The following MEI4 variants were observed in gnomAD, a reference collection of about 807,000 sequenced individuals.
MEI4 encodes meiotic double-stranded break formation protein 4, also known as meiosis-specific protein MEI4.
Under a neutral mutation model 31.4 loss-of-function variants are expected in MEI4, and 27 were observed. The ratio of observed to expected loss-of-function variants is 0.86; its 90% confidence interval spans 0.63 to 1.19. The LOEUF (loss-of-function observed/expected upper bound fraction) is 1.19, where lower values mean the gene tolerates loss of function less well. Ranked by LOEUF, MEI4 falls within the 50% of genes most tolerant of loss-of-function variation. The pLI is 0.00. For missense variants in MEI4, 329 were observed against 398.9 expected, an observed-to-expected ratio of 0.82 and a Z score of 1.49; for synonymous variants, 122 against 145.4, an observed-to-expected ratio of 0.84 and a Z score of 1.16.
chr6:77,678,638 C>T (rs1168110789), intron 1 of MEI4, among the ~76,000 whole-genome samples: 1 of 151,650 alleles, frequency 6.6e-6, no homozygotes, highest in Non-Finnish European at 1.5e-5. Flanking sequence ...TACATAAATA[C>T]TTGATAATGA....
intron 1 of MEI4, among the ~76,000 whole-genome samples, chr6:77,674,107 A>G (rs1345834371): frequency 6.6e-6 from 1 of 152,200 alleles, no homozygotes; most frequent in East Asian, 1.9e-4. Context: ...TGCTTTAAAA[A>G]GACAACTTTC....
chr6:77,727,847 G>A (rs76146304), intron 2 of MEI4, among the ~76,000 whole-genome samples: 4,888 of 152,322 alleles, frequency 0.032, 270 homozygotes, highest in African/African-American at 0.11. Flanking sequence ...CCCTGGAGAA[G>A]CAGCTCAGAC....
At chr6:77,675,504 G>C (rs1177905518) in intron 1 of MEI4, among the ~76,000 whole-genome samples, 1 of 150,112 alleles carries the variant, frequency 6.7e-6, no homozygotes, top group Non-Finnish European at 1.5e-5. Context: ...AGGCATTTTA[G>C]ATGGTTAAGA....
At chr6:77,735,067 G>GT (rs1475146471) in intron 2 of MEI4, among the ~76,000 whole-genome samples, 2 of 151,938 alleles carry the variant, frequency 1.3e-5, no homozygotes, top group East Asian at 1.9e-4. Context: ...TGCCCTTAAC[G>GT]TTTTTTCCTT....
At chr6:77,778,830 C>T (rs1463261876) in intron 3 of MEI4, among the ~76,000 whole-genome samples, 1 of 152,014 alleles carries the variant, frequency 6.6e-6, no homozygotes, top group Non-Finnish European at 1.5e-5. Flanking sequence ...AGTTTCTGAT[C>T]ATTAACAACT....
Position 77,814,483 on chromosome 6 carries a change from CT to C in MEI4, c.769-14445del, listed in dbSNP as rs1391244117. Among the ~76,000 whole-genome samples, 6 of 152,172 alleles carry C rather than the reference CT, an allele frequency of 3.9e-5. No homozygotes were observed. In the East Asian group the frequency reaches 1.2e-3, roughly 29 times the overall value. ...CAAGTGGTAGCTGGGTTTATTTTCA[CT>C]TTCTCAAAGTATAATCCTGTCTATG... On this transcript the variant is annotated intron_variant, in intron 3 of 4. Coordinates refer to ENST00000684080, the MANE Select transcript of MEI4 (RefSeq NM_001322247.2).
chr6:77,657,709 A>G (rs889117792), intron 1 of MEI4, among the ~76,000 whole-genome samples: 1 of 151,518 alleles, frequency 6.6e-6, no homozygotes, highest in African/African-American at 2.4e-5. Flanking sequence ...TCCCTACCCT[A>G]TTTTCTTTTA....
intron 4 of MEI4, among the ~76,000 whole-genome samples, chr6:77,833,802 C>T (rs748946616): frequency 6.6e-6 from 1 of 152,248 alleles, no homozygotes; most frequent in Non-Finnish European, 1.5e-5. Flanking sequence ...CACCCGCCAA[C>T]AGGCCCAGGT....
In MEI4 at chr6:77,820,853, A is replaced by C. The variant is rs1769806842; in HGVS notation, c.769-8078A>C. ...TCTTGTTGTTTCTTAGGCCTAAAAA[A>C]CTTTCTTCCATTATTTTTTCCCATG... is the stretch of plus-strand genomic sequence containing the variant. On this transcript the variant is annotated intron_variant, in intron 3 of 4. Transcript: ENST00000684080. The surrounding 1 kb of genome is among the most constrained non-coding windows in gnomAD (Gnocchi z 4.5). Among the ~76,000 whole-genome samples, 1 of 151,752 alleles carries C rather than the reference A, an allele frequency of 6.6e-6. No homozygotes were observed. The highest frequency in any genetic ancestry group is 1.5e-5 in the Non-Finnish European group (1 of 67,948).
At chr6:77,764,410 T>A (rs1768118201) in intron 3 of MEI4, among the ~76,000 whole-genome samples, 1 of 152,198 alleles carries the variant, frequency 6.6e-6, no homozygotes, top group African/African-American at 2.4e-5. Context: ...CTCTTATTTT[T>A]TTTATTTTTA....
chr6:77,811,789 A>AT (rs562589325), intron 3 of MEI4, among the ~76,000 whole-genome samples: 5,488 of 150,194 alleles, frequency 0.037, 343 homozygotes, highest in African/African-American at 0.12. Flanking sequence ...AAAAAAAAAA[A>AT]TTGATACTTT....
At chr6:77,830,063 G>T (rs1053372335) in intron 4 of MEI4, among the ~76,000 whole-genome samples, 20 of 152,024 alleles carry the variant, frequency 1.3e-4, no homozygotes, top group African/African-American at 3.9e-4. Context: ...TAATTGAAAA[G>T]GAGCAAAGTG....
At chr6:77,861,981 A>G (rs1209121763) in intron 4 of MEI4, among the ~76,000 whole-genome samples, 1 of 152,072 alleles carries the variant, frequency 6.6e-6, no homozygotes, top group East Asian at 1.9e-4. Flanking sequence ...CTTTTAACCA[A>G]ACACATTTTG....
intron 4 of MEI4, among the ~76,000 whole-genome samples, chr6:77,876,175 A>T (rs559801929): frequency 6.6e-6 from 1 of 152,316 alleles, no homozygotes; most frequent in South Asian, 2.1e-4. Context: ...TCTATATGAA[A>T]ACGCAGAATT....
chr6:77,812,239 CAT>C (rs1421452619), intron 3 of MEI4, among the ~76,000 whole-genome samples: 6 of 151,836 alleles, frequency 4.0e-5, no homozygotes, highest in Admixed American at 6.6e-5. Flanking sequence ...GTTGCAAACT[CAT>C]ATGAATAATT....
intron 4 of MEI4, among the ~76,000 whole-genome samples, chr6:77,872,843 T>G (rs1438743300): frequency 6.6e-6 from 1 of 150,454 alleles, no homozygotes; most frequent in Non-Finnish European, 1.5e-5. Context: ...TGGTTTTTTG[T>G]CCTTGCAATA....
chr6:77,856,210 C>T (rs1770742195), intron 4 of MEI4, among the ~76,000 whole-genome samples: 1 of 152,194 alleles, frequency 6.6e-6, no homozygotes, highest in South Asian at 2.1e-4. Flanking sequence ...TCTGCCTTTT[C>T]AGCCTCATCT....
intron 2 of MEI4, among the ~76,000 whole-genome samples, chr6:77,714,228 T>C (rs1766530116): frequency 8.0e-6 from 1 of 125,020 alleles, no homozygotes; most frequent in Non-Finnish European, 1.9e-5. Flanking sequence ...TATGTAACAC[T>C]TAAAAATTTA....
intron 4 of MEI4, among the ~76,000 whole-genome samples, chr6:77,917,267 G>C (rs992109625): frequency 4.0e-5 from 6 of 150,780 alleles, no homozygotes; most frequent in Non-Finnish European, 8.9e-5. Flanking sequence ...ATGATTTATA[G>C]TCCTTTGGGT....
Sources: allele counts gnomAD v4.1 joint callset (sites outside exome capture counted in the v4.1 genomes callset), GRCh38; gene constraint gnomAD v4.1.1; non-coding constraint Gnocchi (gnomAD v3.1); transcripts MANE v1.5; gene names NCBI Gene and HGNC (gene_info 2026-07-23, HGNC 2026-07-21).